ITM2B: variants seen among roughly 807,000 people sequenced by gnomAD.
ITM2B encodes the protein ABri/ADan amyloid peptide.
A neutral mutation model predicts 27.8 loss-of-function variants in ITM2B; 11 were observed. The observed-to-expected ratio is 0.40, with a 90% confidence interval of 0.25 to 0.66. The LOEUF is 0.66. Ranked by LOEUF, ITM2B falls within the 30% of genes least tolerant of loss-of-function variation. ITM2B has a pLI of 0.43. For synonymous variants in ITM2B, 114 were observed against 114.3 expected (o/e 1.00, Z 0.02); for missense variants, 296 against 328.9 (o/e 0.90, Z 0.77).
chr13:48,256,218 T>A lies in ITM2B; in HGVS notation c.288T>A (p.Asp96Glu). The A allele has an allele frequency of 6.2e-7, 1 of 1,613,880 alleles. No individual in the cohort carries two copies. The highest frequency in any genetic ancestry group is 8.5e-7 in the Non-Finnish European group (1 of 1,179,796). Residue 96 changes from aspartate to glutamate, a missense_variant, in exon 3 of 6, where the codon GAT becomes GAA. Transcript: ENST00000647800. The part of the protein sequence containing the change: ...VYYCGIKYIK[D>E]DVILNEPSAD... ...ACTGTGGAATAAAGTACATCAAAGA[T>A]GATGTCATCTTAAATGAGCCCTCTG...
intron 1 of ITM2B, among the ~76,000 whole-genome samples, chr13:48,248,721 A>C (rs1202297373): frequency 6.6e-6 from 1 of 152,200 alleles, no homozygotes; most frequent in African/African-American, 2.4e-5. Flanking sequence ...AAAAATCACA[A>C]AAAAAGTCAT....
At chr13:48,252,598 A>T (rs1294359678) in intron 1 of ITM2B, among the ~76,000 whole-genome samples, 1 of 152,198 alleles carries the variant, frequency 6.6e-6, no homozygotes, top group Non-Finnish European at 1.5e-5. Flanking sequence ...TCTTCCACAA[A>T]ACTGGTCCCT....
rs1951827561 is a variant in ITM2B at position 48,262,328 on chromosome 13, T to C, written c.*1104T>C. ...ACCTATGATTCATTTCACCTCAAGTTCCTAAGACAAAAAATTTCAATTCTG... is the reference window on the plus strand; with the variant it reads ...ACCTATGATTCATTTCACCTCAAGTCCCTAAGACAAAAAATTTCAATTCTG... On this transcript the variant is annotated 3_prime_UTR_variant, in exon 6 of 6. Coordinates refer to ENST00000647800, the MANE Select transcript of ITM2B (RefSeq NM_021999.5). 6.6e-6 allele frequency: 1 copy of C among 152,150 alleles called. No individual in the cohort carries two copies. Among genetic ancestry groups the C allele is most frequent in the Admixed American group, 6.6e-5 (1 of 15,258 alleles). The allele number at this position is 152,150 out of a possible 1,614,324, so 9.4% of individuals were successfully genotyped here.
chr13:48,258,166 A>G lies in ITM2B; in HGVS notation c.494A>G (p.Tyr165Cys), dbSNP rs951878015. Residue 165 changes from tyrosine to cysteine, a missense_variant, in exon 4 of 6, where the codon TAT becomes TGT. By Grantham distance (194) the Tyr-to-Cys change is radical (BLOSUM62 -2). Coordinates refer to ENST00000647800, the MANE Select transcript of ITM2B (RefSeq NM_021999.5). ...TTAGATCTTAACCTGGATAAGTGCT[A>G]TGTGATCCCTCTGAACACTTCCATT... ...AYLDLNLDKC[Y>C]VIPLNTSIVM... 3.7e-6 allele frequency: 6 copies of G among 1,605,182 alleles called. No individual in the cohort carries two copies. The highest frequency in any genetic ancestry group is 1.1e-5 in the South Asian group (1 of 90,902).
intron 5 of ITM2B, among the ~76,000 whole-genome samples, 188 bp from the exon 6 acceptor site, chr13:48,260,951 A>G (rs1951818230): frequency 1.3e-5 from 2 of 152,278 alleles, no homozygotes; most frequent in South Asian, 4.1e-4. Flanking sequence ...ATCTGTCAAG[A>G]TATTAATACT....
chr13:48,251,672 G>C lies in ITM2B; in HGVS notation c.118-2136G>C, dbSNP rs1951756993. On this transcript the variant is annotated intron_variant, in intron 1 of 5. Transcript: ENST00000647800. ...TATTCATTTATGTACTATTGGAAGAGAAAGCCTGCCAAATGGGGTGGGTGT... is the reference window on the plus strand; with the variant it reads ...TATTCATTTATGTACTATTGGAAGACAAAGCCTGCCAAATGGGGTGGGTGT... Among the ~76,000 whole-genome samples the C allele has an allele frequency of 3.3e-5, 5 of 152,288 alleles. No homozygotes were observed. The South Asian group carries it at 1.0e-3, about 32-fold the overall frequency.
chr13:48,259,696 C>A (rs927337484), intron 5 of ITM2B, among the ~76,000 whole-genome samples: 70 of 129,890 alleles, frequency 5.4e-4, no homozygotes, highest in African/African-American at 1.7e-3. Flanking sequence ...AGCTTGATTT[C>A]TTTTTTTTTT....
rs1951799838 is a variant in ITM2B, at chr13:48,258,015, T to G, written c.454-111T>G. The G allele has an allele frequency of 1.3e-5, 9 of 684,842 alleles. No homozygotes were observed. The Admixed American group carries it at 1.4e-4, about 11-fold the overall frequency. 42.4% of individuals were successfully genotyped at this position (684,842 alleles called of 1,614,324 possible). A position where few individuals can be genotyped will look rare whatever the true frequency, so the allele number is the denominator to read the frequency against. On this transcript the variant is annotated intron_variant, in intron 3 of 5. Transcript: ENST00000647800. Reference sequence around the variant, plus strand: ...TGAATTTGTTGAAATGCAAGTGATTTATACATTCTAAAGCCAATTCATTTT... The same window carrying G: ...TGAATTTGTTGAAATGCAAGTGATTGATACATTCTAAAGCCAATTCATTTT...
At chr13:48,245,770 G>GT (rs1337596187) in intron 1 of ITM2B, among the ~76,000 whole-genome samples, 1 of 147,428 alleles carries the variant, frequency 6.8e-6, no homozygotes, top group African/African-American at 2.5e-5. Context: ...AGACCTTGTA[G>GT]TTTAAGTTCT....
rs1241670937 is a variant in ITM2B, at chr13:48,256,067, A to T, written c.247-110A>T. 3.8e-6 allele frequency: 3 copies of T among 784,788 alleles called. No homozygotes were observed. The Admixed American group carries it at 5.7e-5, about 15-fold the overall frequency. 48.6% of individuals were successfully genotyped at this position (784,788 alleles called of 1,614,324 possible). On this transcript the variant is annotated intron_variant, in intron 2 of 5. Transcript: ENST00000647800. ...CTGTCTGACTTGTCATCTAAAAGCA[A>T]GAGTTTGCAAGCAAAATGCTATTTA...
chr13:48,245,095 GC>G (rs1566159874), intron 1 of ITM2B, among the ~76,000 whole-genome samples: 2 of 152,202 alleles, frequency 1.3e-5, no homozygotes, highest in Non-Finnish European at 2.9e-5. Flanking sequence ...GGAGGCTGAG[GC>G]GGGCGGATCA....
At chr13:48,250,559 A>G (rs967768431) in intron 1 of ITM2B, among the ~76,000 whole-genome samples, 137 of 152,038 alleles carry the variant, frequency 9.0e-4, no homozygotes, top group African/African-American at 3.2e-3. Flanking sequence ...TGGAGCTTTC[A>G]GTGAGCTGAG....
intron 1 of ITM2B, among the ~76,000 whole-genome samples, chr13:48,237,783 G>A (rs116760164): frequency 0.01 from 1,565 of 152,068 alleles, 28 homozygotes; most frequent in African/African-American, 0.036. Flanking sequence ...AATGTCTGGC[G>A]TGTCTATTCA....
rs893557259 is a variant in ITM2B at position 48,267,653 on chromosome 13, C to T, written c.*6429C>T. The T allele has an allele frequency of 5.9e-5, 9 of 152,152 alleles. No individual in the cohort carries two copies. Among genetic ancestry groups the T allele is most frequent in the African/African-American group, 2.2e-4 (9 of 41,430 alleles). The allele number at this position is 152,152 out of a possible 1,614,324, so 9.4% of individuals were successfully genotyped here. A position where few individuals can be genotyped will look rare whatever the true frequency, so the allele number is the denominator to read the frequency against. ...AGCTTTTGTAAAGTGCTGTTAAAAG[C>T]ATTATGTCATATCTAGTACTTCTTA... On this transcript the variant is annotated 3_prime_UTR_variant, in exon 6 of 6. Coordinates refer to ENST00000647800, the MANE Select transcript of ITM2B (RefSeq NM_021999.5).
At chr13:48,253,748 C>T (rs1951767925) in intron 1 of ITM2B, 60 bp from the exon 2 acceptor site, 3 of 1,529,794 alleles carry the variant, frequency 2.0e-6, no homozygotes, top group Non-Finnish European at 2.7e-6. Context: ...TTTTCTAGTC[C>T]TGAGCCTTCT....
chr13:48,240,416 C>T (rs967093323), intron 1 of ITM2B, among the ~76,000 whole-genome samples: 5 of 151,978 alleles, frequency 3.3e-5, no homozygotes, highest in South Asian at 2.1e-4. Context: ...CATGTTGGCC[C>T]GGTTGGTCTC....
intron 1 of ITM2B, among the ~76,000 whole-genome samples, chr13:48,236,798 C>G (rs1211292690): frequency 6.6e-6 from 1 of 152,170 alleles, no homozygotes; most frequent in Non-Finnish European, 1.5e-5. Flanking sequence ...CAGTATCAGG[C>G]CACAGAATAG....
At position 48,233,435 on chromosome 13, in the gene ITM2B, G is replaced by A. The variant is rs1260137895; in HGVS notation, c.75G>A (p.Glu25=). 1.3e-6 allele frequency: 2 copies of A among 1,543,748 alleles called. No homozygotes were observed. Among genetic ancestry groups the A allele is most frequent in the Non-Finnish European group, 1.7e-6 (2 of 1,146,962 alleles). ...AKKDEPKSGE[E]ALIIPPDAVA... ...AGGACGAGCCCAAGAGCGGCGAGGA[G>A]GCGCTCATCATCCCCCCCGACGCCG... Residue 25 remains glutamate (E), a synonymous_variant, in exon 1 of 6, where the codon GAG becomes GAA. Coordinates refer to ENST00000647800, the MANE Select transcript of ITM2B (RefSeq NM_021999.5).
At chr13:48,245,421 AAG>A (rs553796873) in intron 1 of ITM2B, among the ~76,000 whole-genome samples, 7 of 151,600 alleles carry the variant, frequency 4.6e-5, no homozygotes, top group Non-Finnish European at 8.8e-5. Flanking sequence ...AAAAAAGAAT[AAG>A]AGATTTTAAA....
Sources: allele counts gnomAD v4.1 joint callset (sites outside exome capture counted in the v4.1 genomes callset), GRCh38; gene constraint gnomAD v4.1.1; transcripts MANE v1.5; gene names NCBI Gene and HGNC (gene_info 2026-07-23, HGNC 2026-07-21).